Variants in CSMD1 observed in about 807,000 individuals in gnomAD.
The protein encoded by CSMD1 is CUB and sushi domain-containing protein 1.
In CSMD1, 213 loss-of-function variants were observed where a neutral mutation model predicts 417.5. The observed-to-expected ratio is 0.51, with a 90% confidence interval of 0.46 to 0.57. CSMD1 has a LOEUF of 0.57. CSMD1 is among the 20% of genes least tolerant of loss of function. The pLI is 0.00. For synonymous variants in CSMD1, 2,862 were observed against 1,736.8 expected, an observed-to-expected ratio of 1.65 and a Z score of -16.11; for missense variants, 6,923 against 4,529.7, an observed-to-expected ratio of 1.53 and a Z score of -15.17.
intron 1 of CSMD1, among the ~76,000 whole-genome samples, chr8:4,931,037 C>T (rs545978159): frequency 6.6e-6 from 1 of 152,216 alleles, no homozygotes; most frequent in South Asian, 2.1e-4. Flanking sequence ...AGGAAATCTG[C>T]CCTTACAAAT....
At chr8:3,957,689 A>T (rs1246177088) in intron 5 of CSMD1, among the ~76,000 whole-genome samples, 1 of 150,710 alleles carries the variant, frequency 6.6e-6, no homozygotes, top group Non-Finnish European at 1.5e-5. Context: ...CCATGTCGGA[A>T]AAAAAAGAAG....
At chr8:3,394,308 T>A (rs1471073358) in intron 17 of CSMD1, among the ~76,000 whole-genome samples, 1 of 148,988 alleles carries the variant, frequency 6.7e-6, no homozygotes, top group Non-Finnish European at 1.5e-5. Flanking sequence ...ATTATAATAT[T>A]AGTGAGGATG....
At position 3,037,827 on chromosome 8, in the gene CSMD1, A is replaced by C. The variant is rs1810794722; in HGVS notation, c.7661-8314T>G. On this transcript the variant is annotated intron_variant, in intron 50 of 69. Transcript: ENST00000635120. ...TGAGAGTGACTAGCTTTTTAGAAACATTAGACAAAAAGGTCTCAAGGCATT... is the reference window on the plus strand; with the variant it reads ...TGAGAGTGACTAGCTTTTTAGAAACCTTAGACAAAAAGGTCTCAAGGCATT... Among the ~76,000 whole-genome samples, 9 of 152,314 alleles carry C rather than the reference A, an allele frequency of 5.9e-5. No homozygotes were observed. In the South Asian group the frequency reaches 1.9e-3, roughly 32 times the overall value.
chr8:4,777,800 G>T (rs1276599323), intron 1 of CSMD1, among the ~76,000 whole-genome samples: 1 of 152,198 alleles, frequency 6.6e-6, no homozygotes, highest in African/African-American at 2.4e-5. Context: ...CATGACCAGG[G>T]AAGCATGTGG....
chr8:4,765,771 A>G (rs981591404), intron 1 of CSMD1, among the ~76,000 whole-genome samples: 2 of 152,212 alleles, frequency 1.3e-5, no homozygotes, highest in Non-Finnish European at 2.9e-5. Flanking sequence ...GATAATTTCC[A>G]TAATAGAGAG....
intron 3 of CSMD1, among the ~76,000 whole-genome samples, chr8:4,046,868 C>G (rs1229672716): frequency 6.6e-6 from 1 of 152,068 alleles, no homozygotes; most frequent in African/African-American, 2.4e-5. Context: ...TCCAGGAGCC[C>G]CACAGAGAAT....
In CSMD1 at chr8:3,641,882, C is replaced by T. The variant is rs145124084; in HGVS notation, c.1010-25085G>A. ...GTACAGCTAACTTCATATAAGGTTT[C>T]GCTACATAGGCAATGTGTGGAAACT... On this transcript the variant is annotated intron_variant, in intron 7 of 69. Transcript: ENST00000635120. Among the ~76,000 whole-genome samples, 58 of 152,280 alleles carry T rather than the reference C, an allele frequency of 3.8e-4. No homozygotes were observed. The East Asian group carries it at 4.4e-3, about 12-fold the overall frequency.
intron 42 of CSMD1, among the ~76,000 whole-genome samples, chr8:3,116,165 A>G (rs990608719): frequency 6.6e-6 from 1 of 152,214 alleles, no homozygotes; most frequent in African/African-American, 2.4e-5. Context: ...CTTTTTTAAT[A>G]TGAAAAGGAT....
chr8:3,101,431 C>CT (rs1332975556), intron 46 of CSMD1, among the ~76,000 whole-genome samples: 2 of 151,714 alleles, frequency 1.3e-5, no homozygotes, highest in African/African-American at 2.4e-5. Flanking sequence ...AGGCTGACTA[C>CT]TTTTTTTTTG....
chr8:3,409,515 A>C lies in CSMD1; in HGVS notation c.1652T>G (p.Phe551Cys). 6.2e-7 allele frequency: 1 copy of C among 1,611,430 alleles called. No individual in the cohort carries two copies. Among genetic ancestry groups the C allele is most frequent in the Non-Finnish European group, 8.5e-7 (1 of 1,178,912 alleles). ...CAGCTCAAAGGCCGCCGGGCATTCA[A>C]AGGTGAGTGTATCTCCATGGAGGAA... ...SSFLHGDTLT[F>C]ECPAAFELVG... The change falls in exon 13 of 70, where the codon TTT (phenylalanine) becomes TGT (cysteine). Residue 551 changes from phenylalanine (F) to cysteine (C), a missense_variant. By Grantham distance (205) the Phe-to-Cys change is radical. Coordinates refer to ENST00000635120, the MANE Select transcript of CSMD1 (RefSeq NM_033225.6).
chr8:4,153,834 A>T (rs927601829), intron 3 of CSMD1, among the ~76,000 whole-genome samples: 3 of 152,212 alleles, frequency 2.0e-5, no homozygotes, highest in Non-Finnish European at 4.4e-5. Context: ...GGAACGTCAC[A>T]TGCAAGTGGT....
rs368661303 is a variant in CSMD1 at position 3,087,261 on chromosome 8, G to T, written c.7310C>A (p.Pro2437His). The change falls in exon 49 of 70, where the codon CCC becomes CAC. Residue 2437 changes from proline (P) to histidine (H), a missense_variant. Physicochemically the swap from Pro to His is moderately conservative, Grantham distance 77. Coordinates refer to ENST00000635120, the MANE Select transcript of CSMD1 (RefSeq NM_033225.6). ...YAAPYCSLTH[P>H]LKNGGILNRT... ...GTTTAGAATACCCCCATTCTTCAGG[G>T]GGTGGGTCAAACTGCAGTAAGGTGC... 6.2e-7 allele frequency: 1 copy of T among 1,613,896 alleles called. No homozygotes were observed. The highest frequency in any genetic ancestry group is 1.1e-5 in the South Asian group (1 of 91,072).
At chr8:4,520,622 G>A (rs1419812842) in intron 2 of CSMD1, among the ~76,000 whole-genome samples, 1 of 152,078 alleles carries the variant, frequency 6.6e-6, no homozygotes, top group East Asian at 1.9e-4. Flanking sequence ...GGAGTTCTTG[G>A]TTTAGATAAG....
chr8:4,685,106 T>C (rs981888494), intron 1 of CSMD1, among the ~76,000 whole-genome samples: 17 of 152,212 alleles, frequency 1.1e-4, no homozygotes, highest in Non-Finnish European at 2.4e-4. Context: ...CTTCTATTAT[T>C]ATGAAGATTC....
At chr8:4,791,720 C>T (rs1033881171) in intron 1 of CSMD1, among the ~76,000 whole-genome samples, 1 of 152,248 alleles carries the variant, frequency 6.6e-6, no homozygotes, top group Non-Finnish European at 1.5e-5. Flanking sequence ...GCCAATAGTT[C>T]AAGTATTTTC....
intron 2 of CSMD1, among the ~76,000 whole-genome samples, chr8:4,559,802 G>A (rs148030717): frequency 7.2e-5 from 11 of 152,316 alleles, no homozygotes; most frequent in Non-Finnish European, 1.3e-4. Context: ...TGAGACACAC[G>A]TCATCTCATG....
rs1410062720 is a variant in CSMD1 at position 3,107,791 on chromosome 8, C to G, written c.6762G>C (p.Gln2254His). ...CTGGGGGAGGTTGACATTTCTTGAG[C>G]TGAAATGCTAAATGATTAATGGAAA... ...GFFVLNFHAF[Q>H]LKKCQPPPAV... The change falls in exon 45 of 70, where the codon CAG (glutamine) becomes CAC (histidine). Residue 2254 changes from glutamine (Q) to histidine (H), a missense_variant. By Grantham distance (24) the Gln-to-His change is conservative (BLOSUM62 0). Coordinates refer to ENST00000635120, the MANE Select transcript of CSMD1 (RefSeq NM_033225.6). The G allele has an allele frequency of 1.3e-6, 2 of 1,574,406 alleles. No homozygotes were observed. The highest frequency in any genetic ancestry group is 2.0e-5 in the Admixed American group (1 of 50,272).
chr8:3,633,597 A>G, intron 7 of CSMD1, among the ~76,000 whole-genome samples: 1 of 152,340 alleles, frequency 6.6e-6, no homozygotes, highest in East Asian at 1.9e-4. Flanking sequence ...TTTCATCTTA[A>G]TTTGAAAGGA....
intron 1 of CSMD1, among the ~76,000 whole-genome samples, chr8:4,959,607 G>A (rs1809343689): frequency 6.6e-6 from 1 of 152,214 alleles, no homozygotes; most frequent in Admixed American, 6.5e-5. Flanking sequence ...CATTGAGCAG[G>A]CTTCCTGGCT....
Sources: allele counts gnomAD v4.1 joint callset (sites outside exome capture counted in the v4.1 genomes callset), GRCh38; gene constraint gnomAD v4.1.1; transcripts MANE v1.5; gene names NCBI Gene and HGNC (gene_info 2026-07-23, HGNC 2026-07-21).